The following GARRE1 variants were observed in gnomAD, a reference collection of about 807,000 sequenced individuals.
GARRE1 encodes granule associated Rac and RHOG effector 1.
GARRE1 carries 49 observed loss-of-function variants against 103.2 expected under a neutral mutation model. That is an observed-to-expected ratio of 0.47 (90% CI 0.38 to 0.60). The LOEUF (loss-of-function observed/expected upper bound fraction) is 0.60, where lower values mean the gene tolerates loss of function less well. Among genes scored for constraint, GARRE1 ranks in the 20% least tolerant of loss-of-function variants. The pLI, the probability that GARRE1 is intolerant of heterozygous loss-of-function variation, is 0.00. For missense variants in GARRE1, 1,199 were observed against 1,370.5 expected (o/e 0.87, Z 1.98); for synonymous variants, 505 against 532.8 (o/e 0.95, Z 0.72).
chr19:34,329,404 A>T (rs934265892), intron 6 of GARRE1, among the ~76,000 whole-genome samples: 2 of 152,238 alleles, frequency 1.3e-5, no homozygotes, highest in Non-Finnish European at 2.9e-5. Flanking sequence ...ATTTTGTGCT[A>T]GTATAGAAAT....
chr19:34,344,271 C>T (rs1196396915), intron 10 of GARRE1, among the ~76,000 whole-genome samples: 2 of 152,168 alleles, frequency 1.3e-5, no homozygotes, highest in African/African-American at 2.4e-5. Flanking sequence ...ATAGCAAATA[C>T]TTGTACAAGT....
intron 2 of GARRE1, among the ~76,000 whole-genome samples, chr19:34,318,046 C>T (rs892943866): frequency 4.6e-5 from 7 of 152,144 alleles, no homozygotes; most frequent in African/African-American, 1.2e-4. Flanking sequence ...GGTTGTTGTT[C>T]CCTCTGGAGG....
intron 8 of GARRE1, among the ~76,000 whole-genome samples, chr19:34,338,642 C>T (rs1250911608): frequency 1.3e-5 from 2 of 152,078 alleles, no homozygotes; most frequent in Non-Finnish European, 2.9e-5. Flanking sequence ...AAGAGAAATT[C>T]GGGCAAAGGC....
intron 1 of GARRE1, among the ~76,000 whole-genome samples, chr19:34,274,113 AG>A: frequency 6.6e-6 from 1 of 152,172 alleles, no homozygotes; most frequent in Admixed American, 6.5e-5. Context: ...GATACTAAGA[AG>A]GCAGGAAGGG....
Position 34,300,732 on chromosome 19 carries a change from C to G in GARRE1, c.259C>G (p.Leu87Val). 1.2e-6 allele frequency: 2 copies of G among 1,614,244 alleles called. No individual in the cohort carries two copies. The highest frequency in any genetic ancestry group is 2.2e-5 in the East Asian group (1 of 44,882). The change falls in exon 2 of 14, where the codon CTG (leucine) becomes GTG (valine). Residue 87 changes from leucine to valine, a missense_variant. Leu to Val is a conservative substitution (Grantham distance 32). Transcript: ENST00000299505. ...QQGISKYLDALNVFCRASTFL... is the reference protein window; with the variant it reads ...QQGISKYLDAVNVFCRASTFL... ...GGGCATCTCCAAGTATCTGGATGCC[C>G]TGAACGTCTTCTGCCGTGCCAGTAC...
chr19:34,268,141 T>A (rs1233201786), intron 1 of GARRE1, among the ~76,000 whole-genome samples: 1 of 152,200 alleles, frequency 6.6e-6, no homozygotes, highest in Non-Finnish European at 1.5e-5. Flanking sequence ...ACACTTGAAT[T>A]TCCACTAGCA....
chr19:34,315,271 G>A (rs1237237197), intron 2 of GARRE1, among the ~76,000 whole-genome samples: 1 of 152,152 alleles, frequency 6.6e-6, no homozygotes. Context: ...GTGGACTTGG[G>A]CACTCCATAG....
At chr19:34,287,764 G>A (rs1225428220) in intron 1 of GARRE1, among the ~76,000 whole-genome samples, 1 of 152,130 alleles carries the variant, frequency 6.6e-6, no homozygotes, top group Non-Finnish European at 1.5e-5. Context: ...GACTTACCAT[G>A]TTCTCATATG....
In GARRE1 at chr19:34,290,300, G is replaced by C. The variant is rs182518111; in HGVS notation, c.-795-9379G>C. Reference sequence around the variant, plus strand: ...GAGCCCAGGAGGCGGAGCTTGCAGTGAACCAAGATTGCACCACTGTACTCC... The same window carrying C: ...GAGCCCAGGAGGCGGAGCTTGCAGTCAACCAAGATTGCACCACTGTACTCC... On this transcript the variant is annotated intron_variant, in intron 1 of 13. Transcript: ENST00000299505. 2.0e-5 allele frequency among the ~76,000 whole-genome samples: 3 copies of C among 152,128 alleles called. No homozygotes were observed. In the East Asian group the frequency reaches 5.8e-4, roughly 29 times the overall value.
Position 34,292,821 on chromosome 19 carries a change from C to T in GARRE1, c.-795-6858C>T, listed in dbSNP as rs548768102. 2.8e-4 allele frequency among the ~76,000 whole-genome samples: 42 copies of T among 152,064 alleles called. No homozygotes were observed. In the South Asian group the frequency reaches 6.8e-3, roughly 25 times the overall value. ...GTGATCTCGGCTCACTGCAAGGCTC[C>T]GCCTTCCGGGTTCATGCCATTCTCC... On this transcript the variant is annotated intron_variant, in intron 1 of 13. Transcript: ENST00000299505.
At chr19:34,260,825 G>A (rs542919035) in intron 1 of GARRE1, among the ~76,000 whole-genome samples, 79 of 152,306 alleles carry the variant, frequency 5.2e-4, no homozygotes, top group Non-Finnish European at 9.3e-4. Context: ...TATAACCCCA[G>A]GAAGGCATGC....
At chr19:34,304,349 G>A (rs1447752748) in intron 2 of GARRE1, among the ~76,000 whole-genome samples, 1 of 150,998 alleles carries the variant, frequency 6.6e-6, no homozygotes, top group Non-Finnish European at 1.5e-5. Flanking sequence ...ACAGGCGTGG[G>A]CCACCGTGCT....
chr19:34,254,880 G>T (rs2073660834), intron 1 of GARRE1, among the ~76,000 whole-genome samples: 1 of 150,694 alleles, frequency 6.6e-6, no homozygotes, highest in African/African-American at 2.4e-5. Context: ...CTGGGGGCGC[G>T]TCGGAGACTC....
chr19:34,337,852 CAT>C (rs982087812), intron 8 of GARRE1, among the ~76,000 whole-genome samples: 20 of 152,318 alleles, frequency 1.3e-4, no homozygotes, highest in South Asian at 1.0e-3. Context: ...AGTGGGCAAA[CAT>C]GTGACAAGCC....
chr19:34,259,799 G>A (rs113982432), intron 1 of GARRE1, among the ~76,000 whole-genome samples: 1 of 152,160 alleles, frequency 6.6e-6, no homozygotes, highest in South Asian at 2.1e-4. Context: ...CCCACATGTG[G>A]TGGGAAGGAC....
intron 2 of GARRE1, among the ~76,000 whole-genome samples, chr19:34,308,411 G>A (rs2074021560): frequency 6.6e-6 from 1 of 152,150 alleles, no homozygotes; most frequent in Non-Finnish European, 1.5e-5. Context: ...TAAAAAGCTT[G>A]TATGAATCCA....
At chr19:34,327,015 C>T (rs554467106) in intron 3 of GARRE1, among the ~76,000 whole-genome samples, 3 of 151,734 alleles carry the variant, frequency 2.0e-5, no homozygotes, top group Non-Finnish European at 2.9e-5. Context: ...CTCAACCAGG[C>T]GCAGTGGTGG....
intron 1 of GARRE1, chr19:34,296,627 C>T: frequency 1.6e-6 from 2 of 1,222,878 alleles, no homozygotes; most frequent in South Asian, 1.2e-5. Flanking sequence ...TCCTCAGGAA[C>T]CTGGGGTCCA....
chr19:34,307,283 A>G (rs2145247805), intron 2 of GARRE1, among the ~76,000 whole-genome samples: 1 of 152,134 alleles, frequency 6.6e-6, no homozygotes, highest in East Asian at 1.9e-4. Flanking sequence ...CAGCGATGCC[A>G]CTTCTCCCCT....
Sources: allele counts gnomAD v4.1 joint callset (sites outside exome capture counted in the v4.1 genomes callset), GRCh38; gene constraint gnomAD v4.1.1; transcripts MANE v1.5; gene names NCBI Gene and HGNC (gene_info 2026-07-23, HGNC 2026-07-21).